The following B4GALT6 variants were observed in gnomAD, a reference collection of about 807,000 sequenced individuals.
The protein encoded by B4GALT6 is beta-1,4-galactosyltransferase 6, also known as UDP-Gal:beta-GlcNAc beta-1,4-galactosyltransferase 6.
A neutral mutation model predicts 46.3 loss-of-function variants in B4GALT6; 14 were observed. That is an observed-to-expected ratio of 0.30 (90% CI 0.20 to 0.47). The LOEUF (loss-of-function observed/expected upper bound fraction) is 0.47. Among genes scored for constraint, B4GALT6 ranks in the 20% least tolerant of loss-of-function variants. The pLI, the probability that B4GALT6 is intolerant of heterozygous loss-of-function variation, is 0.99. For missense variants in B4GALT6, 386 were observed against 480.1 expected (o/e 0.80, Z 1.83); for synonymous variants, 168 against 162.0 (o/e 1.04, Z -0.28).
intron 1 of B4GALT6, among the ~76,000 whole-genome samples, chr18:31,683,680 C>G (rs2074507402): frequency 1.3e-5 from 2 of 152,250 alleles, no homozygotes; most frequent in African/African-American, 2.4e-5. Flanking sequence ...ACTATTTTCT[C>G]AGAAGTCATC....
At chr18:31,641,028 T>G (rs1161304973) in intron 4 of B4GALT6, among the ~76,000 whole-genome samples, 1 of 152,230 alleles carries the variant, frequency 6.6e-6, no homozygotes, top group Non-Finnish European at 1.5e-5. Flanking sequence ...GATTTTGAAT[T>G]TGGCCACGAG....
the B4GALT6 span, among the ~76,000 whole-genome samples, chr18:31,691,918 A>G: frequency 6.6e-6 from 1 of 151,034 alleles, no homozygotes; most frequent in Non-Finnish European, 1.5e-5. Flanking sequence ...GCTATTCAAA[A>G]GAGAGAAAGA....
the B4GALT6 span, among the ~76,000 whole-genome samples, chr18:31,705,061 T>C: frequency 1.3e-5 from 2 of 152,198 alleles, no homozygotes; most frequent in East Asian, 3.9e-4. Flanking sequence ...AGGTAATAAA[T>C]ATGAAACTAG....
At chr18:31,684,895 C>T (rs1174478194), upstream of B4GALT6, among the ~76,000 whole-genome samples, 1 of 150,152 alleles carries the variant, frequency 6.7e-6, no homozygotes, top group Non-Finnish European at 1.5e-5. Context: ...AAGCCCCGTG[C>T]TTAAGGTCCG....
At chr18:31,684,873 G>C (rs1255177209), upstream of B4GALT6, 6 of 733,150 alleles carry the variant, frequency 8.2e-6, no homozygotes, top group Admixed American at 6.3e-5. Context: ...CGCCCGGCGG[G>C]GTCCCGCCGC....
At chr18:31,715,339 C>T in the B4GALT6 span, among the ~76,000 whole-genome samples, 1 of 152,134 alleles carries the variant, frequency 6.6e-6, no homozygotes, top group African/African-American at 2.4e-5. Context: ...GATCCTCCTG[C>T]CTCAGCTTTC....
chr18:31,701,269 G>A, the B4GALT6 span, among the ~76,000 whole-genome samples: 9 of 152,138 alleles, frequency 5.9e-5, no homozygotes, highest in Non-Finnish European at 1.3e-4. Flanking sequence ...TTGTTGTAAA[G>A]TGTGTAGCAC....
chr18:31,724,543 C>T, the B4GALT6 span: 1 of 1,023,702 alleles, frequency 9.8e-7, no homozygotes, highest in Non-Finnish European at 1.2e-6. Flanking sequence ...CAGGAATCGA[C>T]TGAGACTTTG....
At chr18:31,688,258 T>TATATAC (rs1555643341), upstream of B4GALT6, among the ~76,000 whole-genome samples, 336 of 148,618 alleles carry the variant, frequency 2.3e-3, no homozygotes, top group African/African-American at 8.0e-3. Context: ...TATATATATA[T>TATATAC]ACATATATAT....
At chr18:31,714,059 C>A in the B4GALT6 span, among the ~76,000 whole-genome samples, 1 of 152,202 alleles carries the variant, frequency 6.6e-6, no homozygotes, top group East Asian at 1.9e-4. Flanking sequence ...CTAGTATGGA[C>A]TTGACCTTGG....
intron 1 of B4GALT6, among the ~76,000 whole-genome samples, chr18:31,670,859 G>A (rs902435623): frequency 1.1e-4 from 17 of 151,934 alleles, no homozygotes; most frequent in African/African-American, 4.1e-4. Context: ...CCATCAACCC[G>A]TCACCTACAT....
At chr18:31,701,954 T>C in the B4GALT6 span, among the ~76,000 whole-genome samples, 1 of 152,126 alleles carries the variant, frequency 6.6e-6, no homozygotes, top group African/African-American at 2.4e-5. Context: ...TTACATAATA[T>C]TTTAAAAAGC....
the B4GALT6 span, among the ~76,000 whole-genome samples, chr18:31,712,287 A>ACTTTTTTTTTTTTTTTTTTTTTT: frequency 1.2e-5 from 1 of 84,642 alleles, no homozygotes. Flanking sequence ...CTGGGACGTT[A>ACTTTTTTTTTTTTTTTTTTTTTT]TTTTTTTTTT....
chr18:31,703,715 G>A, the B4GALT6 span, among the ~76,000 whole-genome samples: 1 of 152,208 alleles, frequency 6.6e-6, no homozygotes. Context: ...CTTTGAGCAT[G>A]TCTGGGGAGC....
chr18:31,657,197 T>C (rs1466776131), intron 3 of B4GALT6, among the ~76,000 whole-genome samples: 1 of 151,982 alleles, frequency 6.6e-6, no homozygotes, highest in Non-Finnish European at 1.5e-5. Context: ...CTGTTGTTCT[T>C]TATACCAAAA....
intron 5 of B4GALT6, among the ~76,000 whole-genome samples, chr18:31,638,267 C>T (rs1311138507): frequency 1.3e-5 from 2 of 152,126 alleles, no homozygotes. Context: ...GTGGCTCATA[C>T]CTGTAATCCT....
the B4GALT6 span, among the ~76,000 whole-genome samples, chr18:31,717,344 AG>A: frequency 2.0e-5 from 3 of 152,200 alleles, no homozygotes. Flanking sequence ...TTTGAATGAA[AG>A]GTACCTTATG....
chr18:31,719,891 G>A, the B4GALT6 span, among the ~76,000 whole-genome samples: 175 of 152,280 alleles, frequency 1.1e-3, 1 homozygote, highest in Admixed American at 6.3e-3. Flanking sequence ...CTCAAGCACT[G>A]ATCTTTGGTT....
the B4GALT6 span, among the ~76,000 whole-genome samples, chr18:31,715,985 G>A: frequency 2.0e-5 from 3 of 152,018 alleles, no homozygotes; most frequent in African/African-American, 7.2e-5. Context: ...TCCTTACCTT[G>A]TCAATGAGAA....
Sources: allele counts gnomAD v4.1 joint callset (sites outside exome capture counted in the v4.1 genomes callset), GRCh38; gene constraint gnomAD v4.1.1; transcripts MANE v1.5; gene names NCBI Gene and HGNC (gene_info 2026-07-23, HGNC 2026-07-21).